Variants in SHB observed in about 807,000 individuals in gnomAD.
SHB encodes the protein SH2 domain containing adaptor protein B.
In SHB, 20 loss-of-function variants were observed where a neutral mutation model predicts 52.3. The ratio of observed to expected loss-of-function variants is 0.38; its 90% CI spans 0.27 to 0.56. SHB has a LOEUF of 0.56. SHB is among the 20% of genes least tolerant of loss of function. The pLI is 0.71. For synonymous variants in SHB, 397 were observed against 316.5 expected (o/e 1.25, Z -2.70); for missense variants, 825 against 723.3 (o/e 1.14, Z -1.61).
intron 2 of SHB, among the ~76,000 whole-genome samples, chr9:38,002,664 TTC>T (rs1180659564): frequency 2.6e-5 from 4 of 152,174 alleles, no homozygotes; most frequent in South Asian, 2.1e-4. Context: ...GGCTCTAAAA[TTC>T]TCTCTCTGTG....
chr9:38,031,666 G>C (rs1821417178), intron 1 of SHB, among the ~76,000 whole-genome samples: 2 of 152,184 alleles, frequency 1.3e-5, no homozygotes, highest in Non-Finnish European at 2.9e-5. Flanking sequence ...GGGGACATCT[G>C]AGACCATCAC....
intron 5 of SHB, among the ~76,000 whole-genome samples, chr9:37,928,154 C>A (rs945333105): frequency 6.6e-6 from 1 of 152,200 alleles, no homozygotes; most frequent in Non-Finnish European, 1.5e-5. Flanking sequence ...GGAGGGGATC[C>A]CTTCAGTGCT....
At chr9:37,953,549 A>G (rs1173092728) in intron 4 of SHB, among the ~76,000 whole-genome samples, 1 of 152,020 alleles carries the variant, frequency 6.6e-6, no homozygotes, top group Non-Finnish European at 1.5e-5. Flanking sequence ...ACAGACCCTG[A>G]GCACTGGAGC....
At chr9:37,950,125 A>T (rs1188966856) in intron 4 of SHB, among the ~76,000 whole-genome samples, 1 of 152,150 alleles carries the variant, frequency 6.6e-6, no homozygotes, top group African/African-American at 2.4e-5. Flanking sequence ...TTTTCTAGAG[A>T]CAGGGTCTTA....
At chr9:37,931,726 G>A (rs1199523548) in intron 5 of SHB, among the ~76,000 whole-genome samples, 2 of 152,210 alleles carry the variant, frequency 1.3e-5, no homozygotes, top group East Asian at 1.9e-4. Flanking sequence ...ATGACCTAGC[G>A]ATCCCTTTTC....
intron 5 of SHB, among the ~76,000 whole-genome samples, chr9:37,946,363 G>A (rs1211387544): frequency 2.0e-5 from 3 of 152,238 alleles, no homozygotes; most frequent in African/African-American, 7.2e-5. Flanking sequence ...ACTGTGAGCT[G>A]ACATCTGGGC....
chr9:38,047,025 T>C (rs929225493), intron 1 of SHB, among the ~76,000 whole-genome samples: 12 of 152,214 alleles, frequency 7.9e-5, no homozygotes, highest in African/African-American at 2.7e-4. Context: ...CACCTAGCCA[T>C]GGCACCTCAA....
In SHB at chr9:37,916,679, G is replaced by A. The variant is rs1231395520; in HGVS notation, c.*3142C>T. Among the ~76,000 whole-genome samples, 1 of 152,256 alleles carries A rather than the reference G, an allele frequency of 6.6e-6. No individual in the cohort carries two copies. Among genetic ancestry groups the A allele is most frequent in the Admixed American group, 6.5e-5 (1 of 15,290 alleles). ...CCCCTTTCCTGGGAACAGCTACGCTGTGAGCCTCTCTCCAGGAGAGGGTGT... is the reference window on the plus strand; with the variant it reads ...CCCCTTTCCTGGGAACAGCTACGCTATGAGCCTCTCTCCAGGAGAGGGTGT... On this transcript the variant is annotated 3_prime_UTR_variant, in exon 6 of 6. Transcript: ENST00000377707.
rs1832121929 is a variant in SHB at position 37,917,951 on chromosome 9, C to T, written c.*1870G>A. On this transcript the variant is annotated 3_prime_UTR_variant, in exon 6 of 6. Transcript: ENST00000377707. ...TTTGCACAAACCGCTGAAGTCCACG[C>T]AGCTACCTAAAGGGGCAGGGCTCAG... 6.6e-6 allele frequency among the ~76,000 whole-genome samples: 1 copy of T among 152,228 alleles called. No individual in the cohort carries two copies. The highest frequency in any genetic ancestry group is 1.5e-5 in the Non-Finnish European group (1 of 68,040).
chr9:37,970,019 T>C (rs1820573048), intron 3 of SHB, among the ~76,000 whole-genome samples: 1 of 152,176 alleles, frequency 6.6e-6, no homozygotes, highest in Non-Finnish European at 1.5e-5. Flanking sequence ...TCTGGAAGGC[T>C]GGTGTCTCTG....
intron 5 of SHB, among the ~76,000 whole-genome samples, chr9:37,922,266 G>C (rs1183310667): frequency 6.6e-6 from 1 of 152,248 alleles, no homozygotes; most frequent in African/African-American, 2.4e-5. Flanking sequence ...ACTCACATGG[G>C]TGAAGGCAAC....
chr9:37,938,762 C>G lies in SHB; in HGVS notation c.1346+9873G>C, dbSNP rs532953861. 1.2e-4 allele frequency among the ~76,000 whole-genome samples: 18 copies of G among 152,356 alleles called. No individual in the cohort carries two copies. In the East Asian group the frequency reaches 3.1e-3, roughly 26 times the overall value. Reference sequence around the variant, plus strand: ...GGCTCAGACGGGAGACGCAGCAGTCCAGGGAGGGAACCCCAGCCTGTTGAC... The same window carrying G: ...GGCTCAGACGGGAGACGCAGCAGTCGAGGGAGGGAACCCCAGCCTGTTGAC... On this transcript the variant is annotated intron_variant, in intron 5 of 5. Coordinates refer to ENST00000377707, the MANE Select transcript of SHB (RefSeq NM_003028.3).
At chr9:37,972,385 T>C (rs1323989429) in intron 3 of SHB, among the ~76,000 whole-genome samples, 3 of 152,134 alleles carry the variant, frequency 2.0e-5, no homozygotes, top group Non-Finnish European at 4.4e-5. Flanking sequence ...AGGGGAGACC[T>C]GGGGCAACTA....
chr9:38,067,545 C>A (rs1821986286), intron 1 of SHB, among the ~76,000 whole-genome samples: 1 of 152,174 alleles, frequency 6.6e-6, no homozygotes, highest in Admixed American at 6.5e-5. Flanking sequence ...TTCCCACCTA[C>A]AGCGTGAGCG....
At chr9:37,967,274 T>C (rs1404374766) in intron 3 of SHB, among the ~76,000 whole-genome samples, 1 of 152,196 alleles carries the variant, frequency 6.6e-6, no homozygotes, top group African/African-American at 2.4e-5. Context: ...TATTTTAAAT[T>C]AGCTAGTTGA....
chr9:38,005,878 C>T (rs1022047643), intron 2 of SHB, among the ~76,000 whole-genome samples: 8 of 152,188 alleles, frequency 5.3e-5, no homozygotes, highest in African/African-American at 1.7e-4. Flanking sequence ...GAAACACAGG[C>T]CAGGACTTCT....
At chr9:37,985,128 G>C (rs1820788740) in intron 2 of SHB, among the ~76,000 whole-genome samples, 2 of 152,264 alleles carry the variant, frequency 1.3e-5, no homozygotes, top group African/African-American at 4.8e-5. Flanking sequence ...TGCGGAAGCA[G>C]GGCTGTGGGA....
At chr9:38,043,611 C>T (rs192192326) in intron 1 of SHB, among the ~76,000 whole-genome samples, 90 of 152,232 alleles carry the variant, frequency 5.9e-4, no homozygotes, top group Middle Eastern at 3.4e-3. Context: ...CCACCCTGGC[C>T]GGGTGCAGTG....
rs1242439322 is a variant in SHB at position 38,068,309 on chromosome 9, C to T, written c.337G>A (p.Asp113Asn). The change falls in exon 1 of 6, where the codon GAC becomes AAC. Residue 113 changes from aspartate to asparagine, a missense_variant. Asp to Asn is a conservative substitution (Grantham distance 23, BLOSUM62 1). Transcript: ENST00000377707. ...GGCTCCCCGCTGCCGCCGCAGTAGT[C>T]CAGGCGGCACATGGCGCGCAGTTTG... is the stretch of plus-strand genomic sequence containing the variant. ...LRKLRAMCRL[D>N]YCGGSGEPGG... The T allele has an allele frequency of 4.6e-6, 7 of 1,516,804 alleles. No individual in the cohort carries two copies. The highest frequency in any genetic ancestry group is 6.2e-6 in the Non-Finnish European group (7 of 1,137,842). The allele number at this position is 1,516,804 out of a possible 1,614,324, so 94.0% of individuals were successfully genotyped here. A position where few individuals can be genotyped will look rare whatever the true frequency, so the allele number is the denominator to read the frequency against.
Sources: allele counts gnomAD v4.1 joint callset (sites outside exome capture counted in the v4.1 genomes callset), GRCh38; gene constraint gnomAD v4.1.1; transcripts MANE v1.5; gene names NCBI Gene and HGNC (gene_info 2026-07-23, HGNC 2026-07-21).